TENM2: variants seen among roughly 807,000 people sequenced by gnomAD.
TENM2 encodes the protein teneurin-2.
In TENM2, 52 loss-of-function variants were observed where a neutral mutation model predicts 245.2. That is an observed-to-expected ratio of 0.21 (90% CI 0.17 to 0.27). TENM2 has a LOEUF of 0.27. TENM2 is among the 10% of genes least tolerant of loss of function. The pLI, the probability that TENM2 is intolerant of heterozygous loss-of-function variation, is 1.00. For synonymous variants in TENM2, 1,363 were observed against 1,438.9 expected, an observed-to-expected ratio of 0.95 and a Z score of 1.19; for missense variants, 3,046 against 3,666.8, an observed-to-expected ratio of 0.83 and a Z score of 4.37.
At chr5:168,101,051 A>G (rs115880863) in intron 9 of TENM2, among the ~76,000 whole-genome samples, 1,845 of 152,216 alleles carry the variant, frequency 0.012, 33 homozygotes, top group African/African-American at 0.042. Context: ...CAGGGGGCAC[A>G]TCAGCAAAGT....
rs1473578330 is a variant in TENM2, at chr5:168,215,161, G to T, written c.3967G>T (p.Ala1323Ser). 1.9e-6 allele frequency: 3 copies of T among 1,613,912 alleles called. No homozygotes were observed. The East Asian group carries it at 6.7e-5, about 36-fold the overall frequency. The change falls in exon 21 of 29, where the codon GCT becomes TCT. Residue 1323 changes from alanine (A) to serine (S), a missense_variant. Coordinates refer to ENST00000518659, the Ensembl canonical transcript of TENM2. Reference sequence around the variant, plus strand: ...GTCTCTGAGTGGAACCAAAGACCTGGCTGGGAATTCGGAAGTTGTGGCAGG... The same window carrying T: ...GTCTCTGAGTGGAACCAAAGACCTGTCTGGGAATTCGGAAGTTGTGGCAGG...
chr5:168,230,398 C>CTGTT (rs1254388354), intron 25 of TENM2, among the ~76,000 whole-genome samples: 33 of 152,256 alleles, frequency 2.2e-4, no homozygotes, highest in Middle Eastern at 3.4e-3. Context: ...AGTTCGTAAA[C>CTGTT]TGTTTAGTGA....
At chr5:167,908,931 T>G (rs952203135) in intron 3 of TENM2, among the ~76,000 whole-genome samples, 1 of 152,058 alleles carries the variant, frequency 6.6e-6, no homozygotes. Context: ...ATCTGCTGAA[T>G]AGAGTGCCTT....
At chr5:168,179,943 G>A (rs886937303) in intron 13 of TENM2, among the ~76,000 whole-genome samples, 10 of 152,130 alleles carry the variant, frequency 6.6e-5, no homozygotes, top group Non-Finnish European at 1.2e-4. Context: ...TCTTGCTGAC[G>A]CCAGGATGTT....
chr5:167,552,922 T>TGAAG (rs1773049344), intron 2 of TENM2, among the ~76,000 whole-genome samples: 1 of 139,216 alleles, frequency 7.2e-6, no homozygotes, highest in Non-Finnish European at 1.5e-5. Flanking sequence ...AAGTTAATAA[T>TGAAG]GAATGAATGA....
chr5:167,298,758 ATTTAC>A (rs1755123598), intron 1 of TENM2, among the ~76,000 whole-genome samples: 2 of 152,368 alleles, frequency 1.3e-5, no homozygotes, highest in Non-Finnish European at 2.9e-5. Context: ...AAGATTATTT[ATTTAC>A]TTTAAGAGTT....
chr5:167,612,554 A>ATTTGTTTG (rs1777543609), intron 2 of TENM2, among the ~76,000 whole-genome samples: 1 of 152,166 alleles, frequency 6.6e-6, no homozygotes, highest in Non-Finnish European at 1.5e-5. Context: ...ACACTGCTGC[A>ATTTGTTTG]TTTAAAAATA....
At chr5:167,572,051 G>C (rs1371834928) in intron 2 of TENM2, among the ~76,000 whole-genome samples, 2 of 152,198 alleles carry the variant, frequency 1.3e-5, no homozygotes, top group Admixed American at 6.5e-5. Flanking sequence ...GCCCCTGTGT[G>C]TTCTCCATTC....
At chr5:167,303,659 T>C (rs556874233) in intron 1 of TENM2, among the ~76,000 whole-genome samples, 11 of 152,290 alleles carry the variant, frequency 7.2e-5, no homozygotes, top group African/African-American at 7.2e-5. Flanking sequence ...ATGGCTTAGC[T>C]TGGGCTCAGA....
At chr5:167,235,661 C>T in the TENM2 span, among the ~76,000 whole-genome samples, 1 of 151,916 alleles carries the variant, frequency 6.6e-6, no homozygotes, top group African/African-American at 2.4e-5. Context: ...CTCATGGTCA[C>T]AATATGGCTG....
At chr5:168,019,739 T>A (rs1581075688) in intron 5 of TENM2, among the ~76,000 whole-genome samples, 1 of 152,200 alleles carries the variant, frequency 6.6e-6, no homozygotes, top group East Asian at 1.9e-4. Flanking sequence ...AAGATGCACT[T>A]CCTAAGTTAT....
At chr5:167,022,366 C>T in the TENM2 span, among the ~76,000 whole-genome samples, 1 of 152,274 alleles carries the variant, frequency 6.6e-6, no homozygotes, top group East Asian at 1.9e-4. Flanking sequence ...TAGCCAGTTA[C>T]AAAGGTTGCC....
chr5:167,942,008 G>A lies in TENM2; in HGVS notation c.713-10580G>A, dbSNP rs1466566186. The stretch of plus-strand genomic sequence containing the variant: ...GGATCACCTGAGGTCAGGAGTTTGA[G>A]ACCAGCCTGGCCAACACGGGGAAAC... On this transcript the variant is annotated intron_variant, in intron 3 of 28. Transcript: ENST00000518659. 2.0e-5 allele frequency among the ~76,000 whole-genome samples: 3 copies of A among 152,170 alleles called. No individual in the cohort carries two copies. In the East Asian group the frequency reaches 5.8e-4, roughly 29 times the overall value.
At chr5:167,856,454 A>G (rs1367517252) in intron 2 of TENM2, among the ~76,000 whole-genome samples, 1 of 152,142 alleles carries the variant, frequency 6.6e-6, no homozygotes, top group Non-Finnish European at 1.5e-5. Context: ...CAAATATTAC[A>G]CTTGTTATAA....
the TENM2 span, among the ~76,000 whole-genome samples, chr5:167,256,379 C>T: frequency 3.9e-5 from 6 of 152,168 alleles, no homozygotes; most frequent in South Asian, 6.2e-4. Flanking sequence ...CAGGCTTTGT[C>T]GTGAATCCAA....
chr5:167,787,169 C>G (rs189923778), intron 2 of TENM2, among the ~76,000 whole-genome samples: 2 of 152,298 alleles, frequency 1.3e-5, no homozygotes, highest in East Asian at 3.9e-4. Context: ...GATGGGGGGA[C>G]TGGGAGAATC....
At chr5:168,050,747 G>A (rs247995) in intron 6 of TENM2, among the ~76,000 whole-genome samples, 132,788 of 152,236 alleles carry the variant, frequency 0.87, 58,248 homozygotes, top group Non-Finnish European at 0.92. Context: ...CTGATATGTT[G>A]GTGGAAACAA....
At chr5:167,261,473 G>A in the TENM2 span, among the ~76,000 whole-genome samples, 2 of 152,078 alleles carry the variant, frequency 1.3e-5, no homozygotes, top group Admixed American at 6.6e-5. Context: ...ATAAATGGTA[G>A]ATTCGTTATA....
chr5:167,819,760 T>C (rs1025193930), intron 2 of TENM2, among the ~76,000 whole-genome samples: 1 of 152,166 alleles, frequency 6.6e-6, no homozygotes, highest in Non-Finnish European at 1.5e-5. Flanking sequence ...GGAGAACTGT[T>C]CATTTTGCTG....
Sources: allele counts gnomAD v4.1 joint callset (sites outside exome capture counted in the v4.1 genomes callset), GRCh38; gene constraint gnomAD v4.1.1; transcripts MANE v1.5; gene names NCBI Gene and HGNC (gene_info 2026-07-23, HGNC 2026-07-21).